The following ENTREP2 variants were observed in gnomAD, a reference collection of about 807,000 sequenced individuals.
ENTREP2 encodes the protein protein ENTREP2.
At chr15:29,266,828 T>C in the ENTREP2 span, 2 of 152,220 alleles carry the variant, frequency 1.3e-5, no homozygotes, top group African/African-American at 2.4e-5. Context: ...CTCTGATGTT[T>C]CATATTTTAA....
chr15:29,253,495 T>C, the ENTREP2 span, among the ~76,000 whole-genome samples: 1 of 148,808 alleles, frequency 6.7e-6, no homozygotes, highest in Non-Finnish European at 1.5e-5. Flanking sequence ...GTCGCTGGAG[T>C]GCAGTGGCAC....
At chr15:29,469,849 A>G in the ENTREP2 span, among the ~76,000 whole-genome samples, 1 of 152,194 alleles carries the variant, frequency 6.6e-6, no homozygotes, top group Non-Finnish European at 1.5e-5. Flanking sequence ...GGGACCCAGC[A>G]GGTCCCCCGT....
the ENTREP2 span, among the ~76,000 whole-genome samples, chr15:29,247,935 C>A: frequency 1.3e-5 from 2 of 152,206 alleles, no homozygotes; most frequent in African/African-American, 4.8e-5. Flanking sequence ...CCACTGTAGG[C>A]CCCAGTCTCA....
the ENTREP2 span, among the ~76,000 whole-genome samples, chr15:29,366,132 A>C: frequency 6.6e-6 from 1 of 152,144 alleles, no homozygotes; most frequent in Non-Finnish European, 1.5e-5. Context: ...GGAGTGCAGT[A>C]GCATGATCTT....
chr15:29,406,519 G>C, the ENTREP2 span, among the ~76,000 whole-genome samples: 1 of 152,038 alleles, frequency 6.6e-6, no homozygotes, highest in Non-Finnish European at 1.5e-5. Flanking sequence ...CTGCACTCCA[G>C]CCTGGGCGAC....
At chr15:29,294,938 G>C in the ENTREP2 span, among the ~76,000 whole-genome samples, 4 of 152,154 alleles carry the variant, frequency 2.6e-5, no homozygotes, top group African/African-American at 9.7e-5. Context: ...GCTCCAAGCC[G>C]CCAGTCTCCT....
At chr15:29,642,005 A>T in the ENTREP2 span, among the ~76,000 whole-genome samples, 4 of 152,182 alleles carry the variant, frequency 2.6e-5, no homozygotes, top group Non-Finnish European at 5.9e-5. Flanking sequence ...GCAAAAACAT[A>T]TCCCATGTTC....
At chr15:29,188,961 C>G in the ENTREP2 span, among the ~76,000 whole-genome samples, 1 of 152,228 alleles carries the variant, frequency 6.6e-6, no homozygotes, top group Admixed American at 6.5e-5. Context: ...TCCTCGGGGA[C>G]AGGGGCTCTT....
the ENTREP2 span, among the ~76,000 whole-genome samples, chr15:29,415,820 A>G: frequency 1.3e-5 from 2 of 152,224 alleles, no homozygotes; most frequent in South Asian, 2.1e-4. Context: ...TACAAAATCA[A>G]TGTGCAAAAA....
chr15:29,657,917 C>A, the ENTREP2 span, among the ~76,000 whole-genome samples: 1 of 152,012 alleles, frequency 6.6e-6, no homozygotes, highest in Non-Finnish European at 1.5e-5. Flanking sequence ...AAGGAATGAA[C>A]TACAGATACA....
chr15:29,176,632 C>T, the ENTREP2 span, among the ~76,000 whole-genome samples: 1 of 152,210 alleles, frequency 6.6e-6, no homozygotes, highest in Non-Finnish European at 1.5e-5. Context: ...CCACTTCATG[C>T]TGAGGTCCTT....
the ENTREP2 span, among the ~76,000 whole-genome samples, chr15:29,125,307 T>C: frequency 6.6e-6 from 1 of 152,030 alleles, no homozygotes; most frequent in Non-Finnish European, 1.5e-5. Flanking sequence ...GAGGGGGGTG[T>C]TTCAGAAGGT....
chr15:29,124,465 G>T, the ENTREP2 span, among the ~76,000 whole-genome samples: 4 of 152,216 alleles, frequency 2.6e-5, no homozygotes, highest in Non-Finnish European at 1.5e-5. Flanking sequence ...CATAAAGTGG[G>T]CTGAGCAGTC....
the ENTREP2 span, among the ~76,000 whole-genome samples, chr15:29,383,020 A>G: frequency 0.14 from 21,587 of 151,624 alleles, 2,741 homozygotes; most frequent in African/African-American, 0.34. Flanking sequence ...CCCACTTCCC[A>G]GGGGCCGCTC....
At chr15:29,178,219 G>A in the ENTREP2 span, among the ~76,000 whole-genome samples, 1 of 151,362 alleles carries the variant, frequency 6.6e-6, no homozygotes, top group South Asian at 2.1e-4. Context: ...GCTGGAGCCT[G>A]GGAGGTCAAG....
At chr15:29,118,053 T>G in the ENTREP2 span, 1 of 152,584 alleles carries the variant, frequency 6.6e-6, no homozygotes, top group Non-Finnish European at 1.5e-5. Flanking sequence ...GCAGTGGCCC[T>G]GAGCAGTAGT....
chr15:29,286,182 A>G, the ENTREP2 span, among the ~76,000 whole-genome samples: 1 of 152,240 alleles, frequency 6.6e-6, no homozygotes, highest in African/African-American at 2.4e-5. Flanking sequence ...AGTCTCAGTC[A>G]GTGCAATCAG....
the ENTREP2 span, among the ~76,000 whole-genome samples, chr15:29,657,101 G>A: frequency 6.6e-6 from 1 of 152,116 alleles, no homozygotes; most frequent in Admixed American, 6.5e-5. Flanking sequence ...ACGCCAGAGG[G>A]CAGTGGCGCG....
chr15:29,203,353 G>C, the ENTREP2 span, among the ~76,000 whole-genome samples: 1 of 152,280 alleles, frequency 6.6e-6, no homozygotes, highest in Non-Finnish European at 1.5e-5. Flanking sequence ...AGTGAGCTGA[G>C]ATCGCGCCAC....
Sources: allele counts gnomAD v4.1 joint callset (sites outside exome capture counted in the v4.1 genomes callset), GRCh38; gene constraint gnomAD v4.1.1; transcripts MANE v1.5; gene names NCBI Gene and HGNC (gene_info 2026-07-23, HGNC 2026-07-21).